The following FSTL4 variants were observed in gnomAD, a reference collection of about 807,000 sequenced individuals.
FSTL4 encodes follistatin like 4.
In FSTL4, 28 loss-of-function variants were observed where a neutral mutation model predicts 78.2. The observed-to-expected ratio is 0.36, with a 90% CI of 0.27 to 0.49. The LOEUF is 0.49. Among genes scored for constraint, FSTL4 ranks in the 20% least tolerant of loss-of-function variants. The pLI, the probability that FSTL4 is intolerant of heterozygous loss-of-function variation, is 0.98. For synonymous variants in FSTL4, 422 were observed against 440.5 expected, an observed-to-expected ratio of 0.96 and a Z score of 0.53; for missense variants, 922 against 1,084.9, an observed-to-expected ratio of 0.85 and a Z score of 2.11.
intron 8 of FSTL4, among the ~76,000 whole-genome samples, chr5:133,230,205 C>T (rs1355168912): frequency 2.0e-5 from 3 of 152,156 alleles, no homozygotes; most frequent in African/African-American, 7.2e-5. Flanking sequence ...CCTGCAGACC[C>T]ACATGAATCG....
chr5:133,286,844 A>C (rs982717195), intron 6 of FSTL4, among the ~76,000 whole-genome samples: 2 of 152,236 alleles, frequency 1.3e-5, no homozygotes, highest in African/African-American at 4.8e-5. Context: ...TTTAAGACAC[A>C]CTGATCGCCT....
At chr5:133,205,576 T>G (rs1023611644) in intron 14 of FSTL4, among the ~76,000 whole-genome samples, 2 of 152,196 alleles carry the variant, frequency 1.3e-5, no homozygotes, top group Admixed American at 6.5e-5. Context: ...AATTTATTCC[T>G]TTAAAAAAAT....
chr5:133,448,346 C>A (rs1394355463), intron 3 of FSTL4, among the ~76,000 whole-genome samples: 1 of 152,204 alleles, frequency 6.6e-6, no homozygotes, highest in African/African-American at 2.4e-5. Context: ...GCACCCACAC[C>A]GTCTGAAGGA....
intron 3 of FSTL4, chr5:133,458,036 C>T (rs945242913): frequency 4.6e-5 from 7 of 152,194 alleles, no homozygotes; most frequent in African/African-American, 1.4e-4. Flanking sequence ...TCTATCTATA[C>T]GTTCAGCTGA....
At chr5:133,526,483 A>G (rs1759102296) in intron 3 of FSTL4, among the ~76,000 whole-genome samples, 1 of 152,168 alleles carries the variant, frequency 6.6e-6, no homozygotes, top group Non-Finnish European at 1.5e-5. Flanking sequence ...TGCGACTCCT[A>G]TTGGAGAGGT....
At chr5:133,721,187 C>T in the FSTL4 span, among the ~76,000 whole-genome samples, 1 of 152,200 alleles carries the variant, frequency 6.6e-6, no homozygotes, top group African/African-American at 2.4e-5. Context: ...CTACCCACAA[C>T]AATTTGTTTT....
intron 6 of FSTL4, among the ~76,000 whole-genome samples, chr5:133,250,470 A>G (rs4958084): frequency 0.72 from 109,464 of 152,036 alleles, 40,566 homozygotes; most frequent in African/African-American, 0.88. Flanking sequence ...AGCTGAGGGA[A>G]GCAGGCTGGC....
the FSTL4 span, among the ~76,000 whole-genome samples, chr5:133,656,210 G>C: frequency 1.9e-4 from 29 of 152,140 alleles, no homozygotes; most frequent in Middle Eastern, 3.4e-3. Flanking sequence ...AGCCAACAAG[G>C]ACTGTGTTGT....
intron 3 of FSTL4, among the ~76,000 whole-genome samples, chr5:133,451,864 C>G (rs953543334): frequency 6.6e-6 from 1 of 152,214 alleles, no homozygotes; most frequent in African/African-American, 2.4e-5. Flanking sequence ...TGTACCTCTC[C>G]ACCAAGGGAA....
chr5:133,657,665 T>C, the FSTL4 span, among the ~76,000 whole-genome samples: 4 of 152,198 alleles, frequency 2.6e-5, no homozygotes, highest in African/African-American at 9.6e-5. Flanking sequence ...TTTACATGTT[T>C]ATATAATTCA....
intron 14 of FSTL4, among the ~76,000 whole-genome samples, chr5:133,209,406 G>C (rs79997953): frequency 0.016 from 2,422 of 152,276 alleles, 74 homozygotes; most frequent in African/African-American, 0.055. Context: ...GAGAGAGAGA[G>C]AGAGACCCTA....
chr5:133,710,281 A>G, the FSTL4 span, among the ~76,000 whole-genome samples: 1 of 152,174 alleles, frequency 6.6e-6, no homozygotes, highest in African/African-American at 2.4e-5. Flanking sequence ...GGAATTTGCA[A>G]TCTGAATACA....
the FSTL4 span, among the ~76,000 whole-genome samples, chr5:133,631,165 A>T: frequency 6.6e-6 from 1 of 152,168 alleles, no homozygotes; most frequent in African/African-American, 2.4e-5. Flanking sequence ...AATTAAACTA[A>T]AGAGCTTCTG....
intron 3 of FSTL4, among the ~76,000 whole-genome samples, chr5:133,519,613 TG>T (rs1345208079): frequency 1.3e-5 from 2 of 152,228 alleles, no homozygotes; most frequent in African/African-American, 4.8e-5. Context: ...TGATGGTGCC[TG>T]GGCCCCTTTG....
At chr5:133,443,740 C>T (rs1183050847) in intron 3 of FSTL4, among the ~76,000 whole-genome samples, 1 of 152,212 alleles carries the variant, frequency 6.6e-6, no homozygotes, top group Non-Finnish European at 1.5e-5. Flanking sequence ...CATAGGGACC[C>T]TCCAGCCTCA....
At chr5:133,201,163 T>C (rs10900815) in intron 15 of FSTL4, among the ~76,000 whole-genome samples, 47,424 of 152,078 alleles carry the variant, frequency 0.31, 8,895 homozygotes, top group East Asian at 0.43. Context: ...TAGAAAGGTA[T>C]AAATAGTGCT....
At chr5:133,769,733 C>T in the FSTL4 span, among the ~76,000 whole-genome samples, 4,122 of 152,202 alleles carry the variant, frequency 0.027, 150 homozygotes, top group African/African-American at 0.085. Context: ...TTAGGAGGTA[C>T]AAGTACAGAT....
chr5:133,825,255 T>C, the FSTL4 span, among the ~76,000 whole-genome samples: 1 of 152,146 alleles, frequency 6.6e-6, no homozygotes, highest in Non-Finnish European at 1.5e-5. Flanking sequence ...GACTTCATAG[T>C]CAAGAAACAA....
intron 3 of FSTL4, among the ~76,000 whole-genome samples, chr5:133,456,537 A>C (rs1450064303): frequency 6.6e-6 from 1 of 152,120 alleles, no homozygotes; most frequent in Non-Finnish European, 1.5e-5. Context: ...TGCCTTCAAG[A>C]CCCAGACACA....
Sources: allele counts gnomAD v4.1 joint callset (sites outside exome capture counted in the v4.1 genomes callset), GRCh38; gene constraint gnomAD v4.1.1; transcripts MANE v1.5; gene names NCBI Gene and HGNC (gene_info 2026-07-23, HGNC 2026-07-21).